The following PIGU variants were observed in gnomAD, a reference collection of about 807,000 sequenced individuals.
PIGU encodes the protein phosphatidylinositol glycan anchor biosynthesis class U.
PIGU carries 24 observed loss-of-function variants against 49.9 expected under a neutral mutation model. The observed-to-expected ratio is 0.48, with a 90% confidence interval of 0.35 to 0.68. The LOEUF is 0.68. Among genes scored for constraint, PIGU ranks in the 30% least tolerant of loss-of-function variants. PIGU has a pLI of 0.01. For missense variants in PIGU, 490 were observed against 532.6 expected (o/e 0.92, Z 0.79); for synonymous variants, 220 against 205.7 (o/e 1.07, Z -0.59).
chr20:34,635,344 A>G (rs950840610), intron 5 of PIGU, among the ~76,000 whole-genome samples: 3 of 152,216 alleles, frequency 2.0e-5, no homozygotes, highest in Non-Finnish European at 1.5e-5. Flanking sequence ...CCAGACCCCA[A>G]GGACAGAATA....
At chr20:34,616,186 T>C in intron 6 of PIGU, 47 bp from the exon 7 acceptor site, 1 of 1,592,620 alleles carries the variant, frequency 6.3e-7, no homozygotes, top group Non-Finnish European at 8.5e-7. Flanking sequence ...TCATCAATCA[T>C]GATTAGACTC....
chr20:34,596,406 A>G (rs965797220), intron 7 of PIGU, among the ~76,000 whole-genome samples: 4 of 152,196 alleles, frequency 2.6e-5, no homozygotes, highest in Non-Finnish European at 5.9e-5. Context: ...CAAAATTCTA[A>G]TAAGGTCTGT....
At chr20:34,627,688 G>A (rs920427583) in intron 6 of PIGU, among the ~76,000 whole-genome samples, 2 of 152,102 alleles carry the variant, frequency 1.3e-5, no homozygotes, top group Non-Finnish European at 2.9e-5. Flanking sequence ...CTATTTTAAA[G>A]ATGACATTTC....
intron 10 of PIGU, chr20:34,579,092 CCT>C (rs1983353881): frequency 1.3e-5 from 2 of 152,238 alleles, no homozygotes; most frequent in South Asian, 4.1e-4. Flanking sequence ...GGTGATATTC[CCT>C]TTCTTAAACG....
chr20:34,570,893 TA>T (rs906427724), intron 11 of PIGU, among the ~76,000 whole-genome samples: 6 of 151,640 alleles, frequency 4.0e-5, no homozygotes, highest in African/African-American at 1.2e-4. Context: ...ATAAAAGGGT[TA>T]AAAAAAAACT....
intron 9 of PIGU, among the ~76,000 whole-genome samples, chr20:34,581,947 C>T (rs912054675): frequency 6.6e-6 from 1 of 152,204 alleles, no homozygotes; most frequent in Non-Finnish European, 1.5e-5. Flanking sequence ...CTGCCTCTGC[C>T]AGCTCTGGGC....
At chr20:34,638,096 C>A in intron 4 of PIGU, 111 bp from the exon 5 acceptor site, 1 of 1,416,132 alleles carries the variant, frequency 7.1e-7, no homozygotes, top group South Asian at 1.6e-5. Context: ...CCTGCCTGGT[C>A]TGGCCCTACC....
intron 5 of PIGU, among the ~76,000 whole-genome samples, chr20:34,636,154 C>T (rs879931439): frequency 2.1e-4 from 32 of 151,742 alleles, no homozygotes; most frequent in Non-Finnish European, 4.1e-4. Flanking sequence ...TGAGCCGTGA[C>T]TGTACCACTG....
intron 7 of PIGU, among the ~76,000 whole-genome samples, chr20:34,614,123 C>G (rs566982555): frequency 5.9e-4 from 90 of 152,172 alleles, no homozygotes; most frequent in African/African-American, 2.1e-3. Context: ...TGGCAAAGCC[C>G]TGTCTCTACA....
At chr20:34,562,709 G>T in intron 11 of PIGU, 1 of 546,652 alleles carries the variant, frequency 1.8e-6, no homozygotes, top group Non-Finnish European at 3.1e-6. Flanking sequence ...CCAGATCACT[G>T]ATGAGCACGA....
rs1987524308 is a variant in PIGU at position 34,676,946 on chromosome 20, G to C, written c.130+10C>G. The C allele has an allele frequency of 6.4e-7, 1 of 1,565,832 alleles. No homozygotes were observed. Among genetic ancestry groups the C allele is most frequent in the Non-Finnish European group, 8.6e-7 (1 of 1,156,200 alleles). On this transcript the variant is annotated intron_variant, in intron 1 of 11. Transcript: ENST00000217446. ...GGGGCCTGACAGTCTGCTCGAGCCA[G>C]TGGCCTCACCTCTCTTCCAAGAGCT...
intron 2 of PIGU, among the ~76,000 whole-genome samples, chr20:34,655,004 C>CA (rs368336960): frequency 0.71 from 54,189 of 76,434 alleles, 21,740 homozygotes; most frequent in Middle Eastern, 0.85. Context: ...GACTCTGTCT[C>CA]AAAAAAAAAA....
At chr20:34,626,257 G>A (rs1462053958) in intron 6 of PIGU, among the ~76,000 whole-genome samples, 2 of 151,094 alleles carry the variant, frequency 1.3e-5, no homozygotes, top group Non-Finnish European at 2.9e-5. Flanking sequence ...TCCCCAGGTG[G>A]ATAGTGTTAG....
intron 6 of PIGU, among the ~76,000 whole-genome samples, chr20:34,623,161 T>A (rs543488490): frequency 6.6e-6 from 1 of 151,902 alleles, no homozygotes; most frequent in East Asian, 1.9e-4. Context: ...GGTGATGATC[T>A]ATACCAAGAC....
chr20:34,676,835 C>T, intron 1 of PIGU, 121 bp downstream of exon 1: 5 of 1,376,186 alleles, frequency 3.6e-6, no homozygotes, highest in Non-Finnish European at 5.0e-6. Context: ...AAGAACCCCA[C>T]GAGACAGTCA....
At chr20:34,588,011 A>C (rs1983768523) in intron 8 of PIGU, among the ~76,000 whole-genome samples, 1 of 152,244 alleles carries the variant, frequency 6.6e-6, no homozygotes, top group Non-Finnish European at 1.5e-5. Context: ...AGTCACCTGC[A>C]ATCCCAGCAC....
intron 10 of PIGU, among the ~76,000 whole-genome samples, 189 bp downstream of exon 10, chr20:34,581,359 T>C (rs1368436766): frequency 1.3e-5 from 2 of 152,196 alleles, no homozygotes; most frequent in African/African-American, 4.8e-5. Context: ...GCTCAATAAA[T>C]GGCAATTATT....
chr20:34,649,926 G>A (rs1421222481), intron 2 of PIGU, among the ~76,000 whole-genome samples: 1 of 144,802 alleles, frequency 6.9e-6, no homozygotes, highest in Non-Finnish European at 1.5e-5. Flanking sequence ...TCGGCTCACT[G>A]CAAGCTCCGC....
At chr20:34,599,527 T>C (rs1984332737) in intron 7 of PIGU, among the ~76,000 whole-genome samples, 2 of 152,086 alleles carry the variant, frequency 1.3e-5, no homozygotes, top group Admixed American at 1.3e-4. Flanking sequence ...CTATAGAGAG[T>C]GCTGCACTGA....
Sources: gnomAD v4.1 joint callset for allele counts (sites outside exome capture counted in the v4.1 genomes callset) on GRCh38, gnomAD v4.1.1 for gene constraint, MANE v1.5 for transcripts, NCBI Gene and HGNC (gene_info 2026-07-23, HGNC 2026-07-21) for gene names.